Variants in ACTR3B observed in about 807,000 individuals in gnomAD.
The protein encoded by ACTR3B is actin-related protein 3B.
Under a neutral mutation model 59.0 loss-of-function variants are expected in ACTR3B, and 8 were observed. The ratio of observed to expected loss-of-function variants is 0.14; its 90% CI spans 0.08 to 0.24. The LOEUF (loss-of-function observed/expected upper bound fraction) is 0.24, where lower values mean the gene tolerates loss of function less well. ACTR3B is among the 10% of genes least tolerant of loss of function. ACTR3B has a pLI of 1.00. For synonymous variants in ACTR3B, 148 were observed against 197.9 expected (o/e 0.75, Z 2.12); for missense variants, 245 against 552.3 (o/e 0.44, Z 5.58).
intron 1 of ACTR3B, among the ~76,000 whole-genome samples, chr7:152,763,857 G>A (rs2098099032): frequency 6.6e-6 from 1 of 152,134 alleles, no homozygotes. Flanking sequence ...GGCCTCATTT[G>A]TTTATTGTCT....
intron 6 of ACTR3B, among the ~76,000 whole-genome samples, chr7:152,817,395 T>A (rs1018139221): frequency 6.6e-6 from 1 of 151,728 alleles, no homozygotes; most frequent in Non-Finnish European, 1.5e-5. Context: ...AAAAAAAAAA[T>A]TTAAAAGCCA....
At chr7:152,825,478 AT>A (rs939240741) in intron 9 of ACTR3B, among the ~76,000 whole-genome samples, 54 of 146,312 alleles carry the variant, frequency 3.7e-4, no homozygotes, top group Non-Finnish European at 3.9e-4. Flanking sequence ...CACCCAGCGA[AT>A]TTTTTTTTTT....
rs1193860036 is a variant in ACTR3B at position 152,784,959 on chromosome 7, G to A, written c.100+1717G>A. On this transcript the variant is annotated intron_variant, in intron 2 of 11. Coordinates refer to ENST00000256001, the MANE Select transcript of ACTR3B (RefSeq NM_020445.6). The stretch of plus-strand genomic sequence containing the variant: ...GACATGGTTCAGTCCATGACAATTG[G>A]TGTTCTGTAGGATGAATCAGTCTTT... 4.6e-5 allele frequency among the ~76,000 whole-genome samples: 7 copies of A among 152,064 alleles called. No homozygotes were observed. The East Asian group carries it at 1.4e-3, about 29-fold the overall frequency.
intron 2 of ACTR3B, among the ~76,000 whole-genome samples, chr7:152,787,931 T>A (rs2098179958): frequency 1.3e-5 from 2 of 151,990 alleles, no homozygotes; most frequent in African/African-American, 4.8e-5. Flanking sequence ...TATTATTATT[T>A]TTATTTTTTT....
intron 9 of ACTR3B, among the ~76,000 whole-genome samples, chr7:152,846,575 C>T (rs1417552787): frequency 1.4e-5 from 2 of 141,714 alleles, no homozygotes; most frequent in Non-Finnish European, 3.0e-5. Context: ...GTAGTGAGCT[C>T]TAGTGCCTGG....
chr7:152,835,840 A>G (rs187095234), intron 9 of ACTR3B, among the ~76,000 whole-genome samples: 143 of 152,192 alleles, frequency 9.4e-4, no homozygotes, highest in Admixed American at 1.8e-3. Context: ...TACCCGAAAC[A>G]CATCTCAAGA....
intron 9 of ACTR3B, among the ~76,000 whole-genome samples, chr7:152,831,119 T>G (rs1054111237): frequency 8.5e-5 from 13 of 152,218 alleles, no homozygotes; most frequent in African/African-American, 2.9e-4. Context: ...TGATGCTTCC[T>G]GTTGATAAAT....
intron 9 of ACTR3B, among the ~76,000 whole-genome samples, chr7:152,834,446 G>A (rs146234605): frequency 6.6e-6 from 1 of 152,192 alleles, no homozygotes; most frequent in Non-Finnish European, 1.5e-5. Context: ...GAGCCACCGC[G>A]CCCGGTTGTC....
In ACTR3B at chr7:152,779,377, C is replaced by T. The variant is rs1430293432; in HGVS notation, c.45-3810C>T. Among the ~76,000 whole-genome samples the T allele has an allele frequency of 2.0e-5, 3 of 152,050 alleles. No individual in the cohort carries two copies. In the East Asian group the frequency reaches 5.8e-4, roughly 29 times the overall value. On this transcript the variant is annotated intron_variant, in intron 1 of 11. Transcript: ENST00000256001. ...AACTTGCCTTCCAGGTAAAGTAAGCCATGCTACAACTGGAAAACTCAATCT... is the reference window on the plus strand; with the variant it reads ...AACTTGCCTTCCAGGTAAAGTAAGCTATGCTACAACTGGAAAACTCAATCT...
rs909614197 is a variant in ACTR3B, at chr7:152,854,029, G to T, written c.1162-429G>T. ...AGGTGTGAGCCTCTGTGCCCGGCCC[G>T]ATATAAACTATATCTTAATAATCAC... On this transcript the variant is annotated intron_variant, in intron 11 of 11. Transcript: ENST00000256001. This position sits in a 1 kb window ranked among gnomAD's most constrained non-coding sequence, Gnocchi z 4.9. Among the ~76,000 whole-genome samples, 1 of 152,100 alleles carries T rather than the reference G, an allele frequency of 6.6e-6. No individual in the cohort carries two copies. The highest frequency in any genetic ancestry group is 2.1e-4 in the South Asian group (1 of 4,826).
intron 9 of ACTR3B, among the ~76,000 whole-genome samples, chr7:152,835,192 G>A (rs1048087770): frequency 2.6e-5 from 4 of 152,222 alleles, no homozygotes; most frequent in African/African-American, 7.2e-5. Context: ...GGGCTGAGCC[G>A]CTTCCTAGCA....
Position 152,852,023 on chromosome 7 carries a change from G to T in ACTR3B, c.952-103G>T, listed in dbSNP as rs1021895441. On this transcript the variant is annotated intron_variant, in intron 9 of 11. Transcript: ENST00000256001. ...GCATCTTTCATAGGGCCGATGTGTC[G>T]TGCCCACAAGCGATTGGACCTGTGG... is the stretch of plus-strand genomic sequence containing the variant. 12 of 1,482,124 alleles carry T rather than the reference G, an allele frequency of 8.1e-6. No individual in the cohort carries two copies. The African/African-American group carries it at 1.3e-4, about 16-fold the overall frequency. The allele number at this position is 1,482,124 out of a possible 1,614,324, so 91.8% of individuals were successfully genotyped here. A position where few individuals can be genotyped will look rare whatever the true frequency, so the allele number is the denominator to read the frequency against.
intron 1 of ACTR3B, among the ~76,000 whole-genome samples, chr7:152,777,425 G>A (rs886927081): frequency 2.0e-5 from 3 of 152,176 alleles, no homozygotes; most frequent in Non-Finnish European, 4.4e-5. Flanking sequence ...ATTTTTAAGG[G>A]TAGGAGTAAT....
At chr7:152,828,043 C>T (rs1387985294) in intron 9 of ACTR3B, among the ~76,000 whole-genome samples, 433 of 148,386 alleles carry the variant, frequency 2.9e-3, no homozygotes, top group African/African-American at 0.01. Context: ...CCGTGTTGAA[C>T]GACTAGGAGT....
intron 2 of ACTR3B, among the ~76,000 whole-genome samples, chr7:152,789,053 A>C (rs866283862): frequency 1.6e-4 from 8 of 51,240 alleles, no homozygotes; most frequent in African/African-American, 4.1e-4. Flanking sequence ...ACAACAACAA[A>C]CAGCAACAAC....
intron 1 of ACTR3B, among the ~76,000 whole-genome samples, chr7:152,769,869 TAAAA>T (rs5888484): frequency 1.4e-5 from 2 of 139,472 alleles, no homozygotes; most frequent in African/African-American, 5.3e-5. Flanking sequence ...ATCTGATTTG[TAAAA>T]AAAAAAAAAA....
chr7:152,801,458 C>CT (rs546047030), intron 3 of ACTR3B, among the ~76,000 whole-genome samples, 163 bp from the exon 4 acceptor site: 13 of 152,190 alleles, frequency 8.5e-5, no homozygotes, highest in African/African-American at 2.9e-4. Context: ...GTAACTTAAT[C>CT]TTTTTTTTCC....
Position 152,853,485 on chromosome 7 carries a change from C to T in ACTR3B, c.1078-9C>T. On this transcript the variant is annotated splice_polypyrimidine_tract_variant and intron_variant, in intron 10 of 11. Coordinates refer to ENST00000256001, the MANE Select transcript of ACTR3B (RefSeq NM_020445.6). ...GTGTGGGGTAAGTGAGAGCTGCTTT[C>T]TCTTCCAGCCGAAGCCTGTGGAGGT... 6.2e-7 allele frequency: 1 copy of T among 1,613,558 alleles called. No homozygotes were observed. The highest frequency in any genetic ancestry group is 8.5e-7 in the Non-Finnish European group (1 of 1,179,746).
intron 1 of ACTR3B, among the ~76,000 whole-genome samples, chr7:152,773,026 TA>T (rs1482194077): frequency 1.3e-5 from 2 of 152,070 alleles, no homozygotes; most frequent in African/African-American, 4.8e-5. Context: ...GCTATTATGC[TA>T]AAAACAGACT....
Sources: gnomAD v4.1 joint callset for allele counts (sites outside exome capture counted in the v4.1 genomes callset) on GRCh38, gnomAD v4.1.1 for gene constraint, Gnocchi (gnomAD v3.1) non-coding constraint, MANE v1.5 for transcripts, NCBI Gene and HGNC (gene_info 2026-07-23, HGNC 2026-07-21) for gene names.